The following CLPTM1 variants were observed in gnomAD, a reference collection of about 807,000 sequenced individuals.
CLPTM1 encodes putative lipid scramblase CLPTM1.
CLPTM1 carries 21 observed loss-of-function variants against 77.3 expected under a neutral mutation model. The ratio of observed to expected loss-of-function variants is 0.27; its 90% CI spans 0.19 to 0.39. The LOEUF is 0.39. Among genes scored for constraint, CLPTM1 ranks in the 10% least tolerant of loss-of-function variants. CLPTM1 has a pLI of 1.00. For synonymous variants in CLPTM1, 373 were observed against 381.0 expected (o/e 0.98, Z 0.24); for missense variants, 642 against 921.2 (o/e 0.70, Z 3.92).
intron 1 of CLPTM1, 140 bp from the exon 2 acceptor site, chr19:44,961,823 G>A: frequency 2.0e-6 from 1 of 510,984 alleles, no homozygotes; most frequent in Non-Finnish European, 3.4e-6. Flanking sequence ...ACCTTCCCAG[G>A]TGTTTTCACT....
intron 4 of CLPTM1, among the ~76,000 whole-genome samples, chr19:44,974,821 T>C (rs1970781078): frequency 6.6e-6 from 1 of 152,190 alleles, no homozygotes; most frequent in Non-Finnish European, 1.5e-5. Flanking sequence ...CCTGGGACCC[T>C]CCCAGCTACC....
Position 44,991,441 on chromosome 19 carries a change from G to A in CLPTM1, c.1555+68G>A. The A allele has an allele frequency of 6.4e-7, 1 of 1,572,736 alleles. No homozygotes were observed. The highest frequency in any genetic ancestry group is 8.6e-7 in the Non-Finnish European group (1 of 1,158,500). ...GCGCAGGGCTCACAGCCCCAGTGTA[G>A]GAGACAGACCCATCCCCAGACAGGG... On this transcript the variant is annotated intron_variant, in intron 12 of 13. Transcript: ENST00000337392. This position sits in a 1 kb window ranked among gnomAD's most constrained non-coding sequence, Gnocchi z 5.4.
Position 44,992,090 on chromosome 19 carries a change from C to CTGGTAGAGTGTGCCCAGGTATAGGAAG in CLPTM1, c.1556-123_1556-97dup. ...GAAGGCCCCACCAGTGCAGAGGCCG[C>CTGGTAGAGTGTGCCCAGGTATAGGAAG]TGGTAGAGTGTGCCCAGGTATAGGA... On this transcript the variant is annotated intron_variant, in intron 12 of 13. Coordinates refer to ENST00000337392, the MANE Select transcript of CLPTM1 (RefSeq NM_001294.4). The surrounding 1 kb of genome is among the most constrained non-coding windows in gnomAD (Gnocchi z 7.7). 1.3e-6 allele frequency: 1 copy of CTGGTAGAGTGTGCCCAGGTATAGGAAG among 778,076 alleles called. No homozygotes were observed. The highest frequency in any genetic ancestry group is 2.1e-6 in the Non-Finnish European group (1 of 484,174). 48.2% of individuals were successfully genotyped at this position (778,076 alleles called of 1,614,324 possible).
intron 9 of CLPTM1, among the ~76,000 whole-genome samples, chr19:44,989,262 C>T (rs1024219293): frequency 2.6e-5 from 4 of 152,236 alleles, no homozygotes; most frequent in African/African-American, 4.8e-5. Flanking sequence ...AGCCAGCCAT[C>T]TACCAGCTGT....
intron 2 of CLPTM1, among the ~76,000 whole-genome samples, chr19:44,970,744 G>A (rs980493256): frequency 2.1e-5 from 3 of 144,714 alleles, no homozygotes; most frequent in East Asian, 2.0e-4. Flanking sequence ...AGATGTCCTC[G>A]GACACATGAA....
chr19:44,966,591 A>T (rs1970632901), intron 2 of CLPTM1, among the ~76,000 whole-genome samples: 1 of 152,140 alleles, frequency 6.6e-6, no homozygotes, highest in South Asian at 2.1e-4. Context: ...CTGACATCTC[A>T]GCCCTGCCAC....
chr19:44,986,734 C>T (rs1970984413), intron 7 of CLPTM1, 159 bp downstream of exon 7: 8 of 921,808 alleles, frequency 8.7e-6, no homozygotes, highest in South Asian at 1.8e-5. Flanking sequence ...ATGTCCTCTC[C>T]CTCTCCCACA....
chr19:44,955,494 G>A (rs916882337), intron 1 of CLPTM1, 27 bp downstream of exon 1: 3 of 1,279,142 alleles, frequency 2.3e-6, no homozygotes, highest in Non-Finnish European at 3.0e-6. Context: ...GGGACTGAGG[G>A]GGTTCTTCCC....
At position 44,962,381 on chromosome 19, in the gene CLPTM1, G is replaced by A. The variant is rs139261607; in HGVS notation, c.185+306G>A. On this transcript the variant is annotated intron_variant, in intron 2 of 13. Transcript: ENST00000337392. ...GGCCCTTGTATCAAGTAATATAGAC[G>A]GAGTAGCTTAAACAACTGAAATAGG... is the stretch of plus-strand genomic sequence containing the variant. Among the ~76,000 whole-genome samples, 564 of 152,192 alleles carry A rather than the reference G, an allele frequency of 3.7e-3. 5 individuals are homozygous for A. The highest frequency in any genetic ancestry group is 0.012 in the African/African-American group (508 of 41,522).
Position 44,990,912 on chromosome 19 carries a change from G to C in CLPTM1, c.1386G>C (p.Thr462=). The C allele has an allele frequency of 6.2e-7, 1 of 1,613,906 alleles. No individual in the cohort carries two copies. Among genetic ancestry groups the C allele is most frequent in the South Asian group, 1.1e-5 (1 of 91,062 alleles). Residue 462 remains threonine, a synonymous_variant, in exon 11 of 14, where the codon ACG becomes ACC. Transcript: ENST00000337392. The surrounding 1 kb of genome is among the most constrained non-coding windows in gnomAD (Gnocchi z 4.8). ...FPRLSFKDKS[T]YIESSTKVYD... is the part of the protein sequence containing the mutation. The stretch of plus-strand genomic sequence containing the variant: ...GCCTATCCTTCAAGGACAAGTCCAC[G>C]TATATCGAGTCCTCGACCAAAGTGT...
In CLPTM1 at chr19:44,990,338, C is replaced by A; in HGVS notation, c.1133-57C>A. 6.4e-7 allele frequency: 1 copy of A among 1,569,006 alleles called. No individual in the cohort carries two copies. On this transcript the variant is annotated intron_variant, in intron 9 of 13. Coordinates refer to ENST00000337392, the MANE Select transcript of CLPTM1 (RefSeq NM_001294.4). The surrounding 1 kb of genome is among the most constrained non-coding windows in gnomAD (Gnocchi z 4.8). ...AGGCCAAGGGGGCCTGAGGGAGCTG[C>A]AGTAGGGTCTCAGCACCTCCTCAGC...
At position 44,992,604 on chromosome 19, in the gene CLPTM1, T is replaced by G; in HGVS notation, c.1724-7T>G. 6.2e-7 allele frequency: 1 copy of G among 1,612,994 alleles called. No homozygotes were observed. The highest frequency in any genetic ancestry group is 8.5e-7 in the Non-Finnish European group (1 of 1,179,746). On this transcript the variant is annotated splice_region_variant and splice_polypyrimidine_tract_variant and intron_variant, in intron 13 of 13. Transcript: ENST00000337392. This position sits in a 1 kb window ranked among gnomAD's most constrained non-coding sequence, Gnocchi z 7.7. ...CCGACCTCACACTGCCTCCCACCCC[T>G]CTCCAGATGTGGTTTTCTTCATCTA...
At chr19:44,972,017 C>T (rs746922646) in intron 2 of CLPTM1, among the ~76,000 whole-genome samples, 2 of 151,034 alleles carry the variant, frequency 1.3e-5, no homozygotes, top group African/African-American at 2.4e-5. Flanking sequence ...ACTAGAGGCA[C>T]GCACCACCAG....
At chr19:44,987,075 G>T (rs1398935665) in intron 7 of CLPTM1, 104 bp from the exon 8 acceptor site, 3 of 1,418,850 alleles carry the variant, frequency 2.1e-6, no homozygotes, top group Non-Finnish European at 2.9e-6. Flanking sequence ...CTGTCCTCCA[G>T]TCTCTGTAGA....
intron 2 of CLPTM1, among the ~76,000 whole-genome samples, chr19:44,967,448 C>T (rs576541796): frequency 9.2e-5 from 14 of 152,120 alleles, no homozygotes; most frequent in Non-Finnish European, 1.9e-4. Context: ...CACCTGAGGT[C>T]GGGAGTTCCA....
upstream of CLPTM1, chr19:44,954,734 T>C (rs1970429665): frequency 7.8e-7 from 1 of 1,275,386 alleles, no homozygotes; most frequent in South Asian, 1.9e-5. Flanking sequence ...GCATGCGTGC[T>C]AGGCAGGGCA....
At chr19:44,955,162 A>G (rs1175626284), upstream of CLPTM1, 4 of 1,535,700 alleles carry the variant, frequency 2.6e-6, no homozygotes, top group Non-Finnish European at 3.5e-6. Flanking sequence ...TGGAGTTCGG[A>G]GCATACAGTG....
At chr19:44,980,508 C>CAAAAAAAAAAAAAAAAA (rs74516090) in intron 5 of CLPTM1, among the ~76,000 whole-genome samples, 1 of 93,094 alleles carries the variant, frequency 1.1e-5, no homozygotes, top group African/African-American at 4.2e-5. Context: ...GACTCCATCT[C>CAAAAAAAAAAAAAAAAA]AAAAAAAAAA....
At chr19:44,979,095 T>G (rs938057129) in intron 5 of CLPTM1, among the ~76,000 whole-genome samples, 1 of 151,696 alleles carries the variant, frequency 6.6e-6, no homozygotes, top group African/African-American at 2.4e-5. Context: ...TTCTCCCACC[T>G]TAGCCTCCAA....
Sources: gnomAD v4.1 joint callset for allele counts (sites outside exome capture counted in the v4.1 genomes callset) on GRCh38, gnomAD v4.1.1 for gene constraint, Gnocchi (gnomAD v3.1) non-coding constraint, MANE v1.5 for transcripts, NCBI Gene and HGNC (gene_info 2026-07-23, HGNC 2026-07-21) for gene names.